ATG5: variants seen among roughly 807,000 people sequenced by gnomAD.
The protein encoded by ATG5 is autophagy related 5.
ATG5 carries 14 observed loss-of-function variants against 36.5 expected under a neutral mutation model. That is an observed-to-expected ratio of 0.38 (90% confidence interval 0.25 to 0.60). The LOEUF is 0.60. Ranked by LOEUF, ATG5 falls within the 20% of genes least tolerant of loss-of-function variation. The probability of loss-of-function intolerance (pLI) is 0.60; values close to 1 mark genes in which losing one functional copy is unlikely to be tolerated. For synonymous variants in ATG5, 95 were observed against 101.5 expected (o/e 0.94, Z 0.38); for missense variants, 195 against 326.7 (o/e 0.60, Z 3.11).
At chr6:106,194,474 CAT>C (rs1437904333) in intron 7 of ATG5, among the ~76,000 whole-genome samples, 1 of 152,086 alleles carries the variant, frequency 6.6e-6, no homozygotes, top group Non-Finnish European at 1.5e-5. Flanking sequence ...ACTTTATTAA[CAT>C]AATCTAATCA....
intron 6 of ATG5, among the ~76,000 whole-genome samples, chr6:106,232,620 T>A (rs763780296): frequency 6.6e-6 from 1 of 151,996 alleles, no homozygotes; most frequent in African/African-American, 2.4e-5. Flanking sequence ...CAACAAGGAC[T>A]CCAAAAGATT....
intron 6 of ATG5, among the ~76,000 whole-genome samples, chr6:106,236,372 T>G (rs1316770668): frequency 6.6e-6 from 1 of 152,230 alleles, no homozygotes; most frequent in African/African-American, 2.4e-5. Context: ...GATCAGAAAG[T>G]AAGCATATGT....
intron 5 of ATG5, among the ~76,000 whole-genome samples, chr6:106,252,226 C>T (rs1778621904): frequency 1.3e-5 from 2 of 152,132 alleles, no homozygotes. Flanking sequence ...ATATATACTT[C>T]TCGCCAGAGC....
intron 5 of ATG5, among the ~76,000 whole-genome samples, chr6:106,256,655 CTA>C (rs1238613884): frequency 6.6e-6 from 1 of 152,030 alleles, no homozygotes. Flanking sequence ...TGCTCCTAGG[CTA>C]TAAACCTATA....
chr6:106,287,516 A>T (rs1428101335), intron 4 of ATG5, among the ~76,000 whole-genome samples: 1 of 152,156 alleles, frequency 6.6e-6, no homozygotes, highest in African/African-American at 2.4e-5. Context: ...TCTTACCCTT[A>T]ATCATTGCTG....
At chr6:106,218,039 G>A (rs1226275713) in intron 6 of ATG5, among the ~76,000 whole-genome samples, 1 of 152,152 alleles carries the variant, frequency 6.6e-6, no homozygotes, top group Non-Finnish European at 1.5e-5. Flanking sequence ...AAATATTAAT[G>A]TGCTTCTTGT....
chr6:106,307,534 CCTTT>C (rs151177169), intron 3 of ATG5, among the ~76,000 whole-genome samples: 19 of 139,082 alleles, frequency 1.4e-4, no homozygotes, highest in South Asian at 4.5e-4. Context: ...ATTTCAATAC[CCTTT>C]TTTTTTTTTT....
At chr6:106,218,970 T>C (rs113082731) in intron 6 of ATG5, among the ~76,000 whole-genome samples, 2 of 151,480 alleles carry the variant, frequency 1.3e-5, no homozygotes, top group Non-Finnish European at 2.9e-5. Flanking sequence ...GGAAGGATTC[T>C]ATGAGGGAGG....
chr6:106,253,307 AG>A (rs1285156143), intron 5 of ATG5, among the ~76,000 whole-genome samples: 1 of 152,204 alleles, frequency 6.6e-6, no homozygotes, highest in Non-Finnish European at 1.5e-5. Flanking sequence ...CCAGTGGGCT[AG>A]CCTCTGCGTC....
intron 6 of ATG5, among the ~76,000 whole-genome samples, chr6:106,207,325 G>A (rs952437398): frequency 6.6e-6 from 1 of 152,050 alleles, no homozygotes; most frequent in East Asian, 1.9e-4. Flanking sequence ...GCAGAAAAAC[G>A]AAACTTATAA....
At position 106,248,894 on chromosome 6, in the gene ATG5, C is replaced by T. The variant is rs1336346911; in HGVS notation, c.479-650G>A. Among the ~76,000 whole-genome samples the T allele has an allele frequency of 3.9e-5, 6 of 152,060 alleles. No individual in the cohort carries two copies. The East Asian group carries it at 7.7e-4, about 20-fold the overall frequency. Reference sequence around the variant, plus strand: ...CAGAGGTTGTGGTGAGCCGAGATCACGCCATTGCACTCCAGCCTGGGCAAC... The same window carrying T: ...CAGAGGTTGTGGTGAGCCGAGATCATGCCATTGCACTCCAGCCTGGGCAAC... On this transcript the variant is annotated intron_variant, in intron 5 of 7. Coordinates refer to ENST00000369076, the MANE Select transcript of ATG5 (RefSeq NM_004849.4).
At chr6:106,187,148 C>T (rs1440083909) in intron 7 of ATG5, among the ~76,000 whole-genome samples, 1 of 152,122 alleles carries the variant, frequency 6.6e-6, no homozygotes, top group Admixed American at 6.6e-5. Flanking sequence ...TTTAGTAAGA[C>T]ACAGGTGAGC....
intron 6 of ATG5, among the ~76,000 whole-genome samples, chr6:106,239,383 A>G (rs1029465587): frequency 2.4e-4 from 37 of 152,188 alleles, no homozygotes; most frequent in African/African-American, 8.0e-4. Flanking sequence ...GGAAGACTTA[A>G]TATCATAAGA....
At chr6:106,270,169 A>G (rs1357434705) in intron 5 of ATG5, among the ~76,000 whole-genome samples, 1 of 152,236 alleles carries the variant, frequency 6.6e-6, no homozygotes, top group African/African-American at 2.4e-5. Context: ...TTACTGCTTT[A>G]TATTAAAATG....
At chr6:106,252,835 CAG>C (rs1778652832) in intron 5 of ATG5, among the ~76,000 whole-genome samples, 1 of 152,174 alleles carries the variant, frequency 6.6e-6, no homozygotes, top group African/African-American at 2.4e-5. Flanking sequence ...CAAGGGAGAG[CAG>C]AGTTACAGCA....
chr6:106,323,570 C>G (rs1166529649), intron 1 of ATG5, among the ~76,000 whole-genome samples: 1 of 152,046 alleles, frequency 6.6e-6, no homozygotes, highest in Non-Finnish European at 1.5e-5. Context: ...CAGTCCGTAA[C>G]CCTTGGAGTC....
intron 6 of ATG5, among the ~76,000 whole-genome samples, chr6:106,235,825 A>T (rs564887528): frequency 6.6e-6 from 1 of 151,296 alleles, no homozygotes; most frequent in African/African-American, 2.4e-5. Flanking sequence ...AAAAAAAAAT[A>T]GCTTAATTGA....
intron 6 of ATG5, among the ~76,000 whole-genome samples, chr6:106,213,812 T>C (rs960906215): frequency 1.3e-5 from 2 of 152,198 alleles, no homozygotes; most frequent in Non-Finnish European, 2.9e-5. Context: ...GAACAATTGA[T>C]GTGATAATTA....
In ATG5 at chr6:106,248,251, T is replaced by C. The variant is rs774107707; in HGVS notation, c.479-7A>G. 6.4e-7 allele frequency: 1 copy of C among 1,574,050 alleles called. No homozygotes were observed. Among genetic ancestry groups the C allele is most frequent in the South Asian group, 1.1e-5 (1 of 89,922 alleles). On this transcript the variant is annotated splice_region_variant and splice_polypyrimidine_tract_variant and intron_variant, in intron 5 of 7. Coordinates refer to ENST00000369076, the MANE Select transcript of ATG5 (RefSeq NM_004849.4). ...CAAAACTGGTCAAATCTGTCTGTAA[T>C]GATATAAATTATTTGTTATTAAAAA...
Sources: allele counts gnomAD v4.1 joint callset (sites outside exome capture counted in the v4.1 genomes callset), GRCh38; gene constraint gnomAD v4.1.1; transcripts MANE v1.5; gene names NCBI Gene and HGNC (gene_info 2026-07-23, HGNC 2026-07-21).